SH3PXD2A: variants seen among roughly 807,000 people sequenced by gnomAD.
The protein encoded by SH3PXD2A is SH3 and PX domain-containing protein 2A.
Under a neutral mutation model 115.2 loss-of-function variants are expected in SH3PXD2A, and 32 were observed. The ratio of observed to expected loss-of-function variants is 0.28; its 90% CI spans 0.21 to 0.37. The LOEUF (loss-of-function observed/expected upper bound fraction) is 0.37, where lower values mean the gene tolerates loss of function less well. SH3PXD2A is among the 10% of genes least tolerant of loss of function. The pLI is 1.00. For synonymous variants in SH3PXD2A, 610 were observed against 629.1 expected, an observed-to-expected ratio of 0.97 and a Z score of 0.45; for missense variants, 1,328 against 1,498.7, an observed-to-expected ratio of 0.89 and a Z score of 1.88.
intron 12 of SH3PXD2A, among the ~76,000 whole-genome samples, chr10:103,612,157 T>G (rs2036438050): frequency 6.6e-6 from 1 of 152,168 alleles, no homozygotes; most frequent in Admixed American, 6.5e-5. Flanking sequence ...AAAAGCTAGG[T>G]TCCTATAACA....
chr10:103,668,601 G>C lies in SH3PXD2A; in HGVS notation c.472+7C>G, dbSNP rs1292592362. On this transcript the variant is annotated splice_region_variant and intron_variant, in intron 7 of 14. Transcript: ENST00000369774. ...GCTCACACACATGCATGCACGCTGG[G>C]CAGTACCTGTCACGTCCTTCTTGGG... 1.3e-6 allele frequency: 2 copies of C among 1,553,308 alleles called. No individual in the cohort carries two copies. The highest frequency in any genetic ancestry group is 1.7e-6 in the Non-Finnish European group (2 of 1,147,794).
intron 14 of SH3PXD2A, 38 bp downstream of exon 14, chr10:103,605,760 A>G (rs117387787): frequency 0.025 from 40,235 of 1,612,980 alleles, 846 homozygotes; most frequent in Admixed American, 0.081. Context: ...TTCCACCACA[A>G]TGAGTTAAAA....
chr10:103,846,074 A>AC (rs1842845680), intron 1 of SH3PXD2A, among the ~76,000 whole-genome samples: 1 of 152,150 alleles, frequency 6.6e-6, no homozygotes. Context: ...AAATTGTCCC[A>AC]CCCGCCCCAC....
intron 13 of SH3PXD2A, 34 bp downstream of exon 13, chr10:103,611,543 AAAGG>A (rs2036428808): frequency 6.3e-7 from 1 of 1,592,074 alleles, no homozygotes; most frequent in Non-Finnish European, 8.6e-7. Flanking sequence ...CATTCACAGA[AAAGG>A]AAGGAAAGGG....
chr10:103,614,667 C>G (rs556041326), intron 11 of SH3PXD2A, among the ~76,000 whole-genome samples: 1 of 152,164 alleles, frequency 6.6e-6, no homozygotes, highest in African/African-American at 2.4e-5. Flanking sequence ...GCCAGTGCCC[C>G]CAAGTCTGGG....
At chr10:103,771,967 C>T (rs1241213479) in intron 2 of SH3PXD2A, among the ~76,000 whole-genome samples, 1 of 152,116 alleles carries the variant, frequency 6.6e-6, no homozygotes, top group East Asian at 1.9e-4. Context: ...AGCTGCTCTC[C>T]GTCAGTCATC....
chr10:103,661,946 C>T (rs2134056711), intron 7 of SH3PXD2A: 1 of 985,376 alleles, frequency 1.0e-6, no homozygotes, highest in South Asian at 4.7e-5. Flanking sequence ...CCGTTCCTGC[C>T]CCTCGGGCTC....
chr10:103,770,068 A>C (rs2038801932), intron 2 of SH3PXD2A, among the ~76,000 whole-genome samples: 1 of 152,234 alleles, frequency 6.6e-6, no homozygotes, highest in Admixed American at 6.5e-5. Flanking sequence ...AGAATCACTC[A>C]TAATCTCTCT....
chr10:103,810,319 G>C (rs547941593), intron 1 of SH3PXD2A, among the ~76,000 whole-genome samples: 1 of 152,336 alleles, frequency 6.6e-6, no homozygotes, highest in African/African-American at 2.4e-5. Flanking sequence ...ACAAGCTAAA[G>C]AGAAGATGAG....
chr10:103,613,348 G>A (rs939134528), intron 11 of SH3PXD2A, among the ~76,000 whole-genome samples, 158 bp from the exon 12 acceptor site: 2 of 152,160 alleles, frequency 1.3e-5, no homozygotes, highest in Non-Finnish European at 2.9e-5. Flanking sequence ...TGGCACCGAG[G>A]GTAGATGGAA....
chr10:103,655,810 T>C (rs2037203914), intron 8 of SH3PXD2A, among the ~76,000 whole-genome samples: 1 of 146,048 alleles, frequency 6.8e-6, no homozygotes, highest in African/African-American at 2.5e-5. Context: ...AAGCAAAGTC[T>C]GTAAGGCTAT....
intron 6 of SH3PXD2A, among the ~76,000 whole-genome samples, chr10:103,692,619 C>T (rs1327215149): frequency 6.6e-6 from 1 of 152,240 alleles, no homozygotes; most frequent in African/African-American, 2.4e-5. Context: ...CCTTCCATCA[C>T]CGCTGCACCG....
At chr10:103,658,503 G>A (rs1248555714) in intron 8 of SH3PXD2A, among the ~76,000 whole-genome samples, 2 of 152,198 alleles carry the variant, frequency 1.3e-5, no homozygotes, top group Non-Finnish European at 2.9e-5. Flanking sequence ...CAGCTTCCCT[G>A]AACTGGGAAG....
Position 103,603,340 on chromosome 10 carries a change from C to G in SH3PXD2A, c.1878G>C (p.Arg626=). Residue 626 remains arginine, a synonymous_variant, in exon 15 of 15, where the codon CGG becomes CGC. Transcript: ENST00000369774. Reference sequence around the variant, plus strand: ...CTGACAGGGTGTCCTCTGCATATGGCCGGAAGCCCTCATTCTCATAGATGG... The same window carrying G: ...CTGACAGGGTGTCCTCTGCATATGGGCGGAAGCCCTCATTCTCATAGATGG... The part of the protein sequence containing the change: ...EETIYENEGF[R]PYAEDTLSAR... 1 of 1,614,196 alleles carries G rather than the reference C, an allele frequency of 6.2e-7. No homozygotes were observed. The highest frequency in any genetic ancestry group is 8.5e-7 in the Non-Finnish European group (1 of 1,180,042).
intron 4 of SH3PXD2A, among the ~76,000 whole-genome samples, chr10:103,726,556 G>A (rs1196150043): frequency 6.6e-6 from 1 of 152,170 alleles, no homozygotes; most frequent in Non-Finnish European, 1.5e-5. Flanking sequence ...GACAGAGCAG[G>A]CACTTGATTT....
intron 2 of SH3PXD2A, among the ~76,000 whole-genome samples, chr10:103,781,563 C>G (rs2038931702): frequency 6.6e-6 from 1 of 152,176 alleles, no homozygotes; most frequent in African/African-American, 2.4e-5. Flanking sequence ...GGAGCTCAAT[C>G]AAGGTCTATT....
intron 13 of SH3PXD2A, among the ~76,000 whole-genome samples, chr10:103,611,352 T>C (rs2036425733): frequency 6.6e-6 from 1 of 152,196 alleles, no homozygotes; most frequent in Non-Finnish European, 1.5e-5. Flanking sequence ...TTATTTAGCT[T>C]TGGAGTGCAG....
chr10:103,619,490 T>G (rs1006349215), intron 10 of SH3PXD2A, among the ~76,000 whole-genome samples: 25 of 152,182 alleles, frequency 1.6e-4, no homozygotes. Context: ...TAGGCAAGGT[T>G]GCATTTGCAG....
intron 5 of SH3PXD2A, among the ~76,000 whole-genome samples, chr10:103,702,625 C>T (rs561946221): frequency 3.0e-4 from 8 of 26,454 alleles, no homozygotes; most frequent in African/African-American, 1.6e-3. Context: ...ATGCTGGGTG[C>T]GGAGGGCAAG....
Sources: allele counts gnomAD v4.1 joint callset (sites outside exome capture counted in the v4.1 genomes callset), GRCh38; gene constraint gnomAD v4.1.1; transcripts MANE v1.5; gene names NCBI Gene and HGNC (gene_info 2026-07-23, HGNC 2026-07-21).